The following ADGRL4 variants were observed in gnomAD, a reference collection of about 807,000 sequenced individuals.
ADGRL4 encodes the protein adhesion G protein-coupled receptor L4.
In ADGRL4, 90 loss-of-function variants were observed where a neutral mutation model predicts 74.8. The ratio of observed to expected loss-of-function variants is 1.20; its 90% CI spans 1.02 to 1.43. The LOEUF is 1.43. ADGRL4 is among the 40% of genes most tolerant of loss of function. The pLI is 0.00. For missense variants in ADGRL4, 881 were observed against 814.3 expected, an observed-to-expected ratio of 1.08 and a Z score of -1.00; for synonymous variants, 311 against 279.2, an observed-to-expected ratio of 1.11 and a Z score of -1.14.
intron 2 of ADGRL4, among the ~76,000 whole-genome samples, chr1:78,955,815 A>G (rs2100703369): frequency 6.6e-6 from 1 of 152,188 alleles, no homozygotes; most frequent in East Asian, 1.9e-4. Flanking sequence ...TTTACTTATG[A>G]ATGAGACCTT....
At chr1:78,974,652 A>C (rs1415328819) in intron 2 of ADGRL4, among the ~76,000 whole-genome samples, 3 of 152,154 alleles carry the variant, frequency 2.0e-5, no homozygotes, top group African/African-American at 4.8e-5. Flanking sequence ...ACCTCTTTTC[A>C]GGAAATTCTA....
intron 12 of ADGRL4, among the ~76,000 whole-genome samples, chr1:78,902,380 CCTTA>C (rs1393613875): frequency 2.0e-5 from 3 of 152,136 alleles, no homozygotes; most frequent in African/African-American, 7.2e-5. Context: ...GCATTCTTTG[CCTTA>C]CTATTATCAC....
At chr1:78,952,009 T>C (rs955839715) in intron 2 of ADGRL4, among the ~76,000 whole-genome samples, 1 of 152,200 alleles carries the variant, frequency 6.6e-6, no homozygotes, top group African/African-American at 2.4e-5. Flanking sequence ...AAGACACTGG[T>C]ATTCAAGAAT....
rs532497619 is a variant in ADGRL4 at position 79,005,035 on chromosome 1, A to T, written c.172+35T>A. 8.2e-6 allele frequency: 13 copies of T among 1,583,426 alleles called. No homozygotes were observed. In the South Asian group the frequency reaches 1.5e-4, roughly 18 times the overall value. ...CAGTCCCATCAGAATTTAATCTTAC[A>T]GTATAATCCAAAAGAAGTAACAAAG... is the stretch of plus-strand genomic sequence containing the variant. On this transcript the variant is annotated intron_variant, in intron 2 of 14. Transcript: ENST00000370742.
At position 78,980,408 on chromosome 1, in the gene ADGRL4, A is replaced by T. The variant is rs186961650; in HGVS notation, c.172+24662T>A. ...TATAAATATTTAGTAAAAACAAAAT[A>T]AAAAAAACTGTCTCTTACAATATAT... On this transcript the variant is annotated intron_variant, in intron 2 of 14. Coordinates refer to ENST00000370742, the MANE Select transcript of ADGRL4 (RefSeq NM_022159.4). Among the ~76,000 whole-genome samples the T allele has an allele frequency of 3.2e-3, 483 of 151,614 alleles. 3 individuals are homozygous for T. The highest frequency in any genetic ancestry group is 0.011 in the African/African-American group (467 of 41,168).
chr1:78,969,738 T>G (rs1300818233), intron 2 of ADGRL4, among the ~76,000 whole-genome samples: 3 of 151,026 alleles, frequency 2.0e-5, no homozygotes, highest in African/African-American at 7.3e-5. Context: ...AAATGAGGAC[T>G]GGAGAGAGAG....
In ADGRL4 at chr1:78,917,785, A is replaced by T. The variant is rs1648909125; in HGVS notation, c.1682+45T>A. On this transcript the variant is annotated intron_variant, in intron 11 of 14. Transcript: ENST00000370742. ...AAATTATCAAAGAAATGCAAAGCAC[A>T]TTCAAAATCGTATTTCAAATGCTCA... The T allele has an allele frequency of 2.5e-6, 4 of 1,593,272 alleles. No homozygotes were observed. In the African/African-American group the frequency reaches 4.0e-5, roughly 16 times the overall value.
intron 14 of ADGRL4, 70 bp from the exon 15 acceptor site, chr1:78,891,286 A>C: frequency 6.8e-7 from 1 of 1,470,344 alleles, no homozygotes; most frequent in South Asian, 1.3e-5. Context: ...TTTTCAAATC[A>C]CAATAAATTG....
chr1:78,900,074 A>G (rs1648486356), intron 12 of ADGRL4, among the ~76,000 whole-genome samples: 1 of 152,154 alleles, frequency 6.6e-6, no homozygotes, highest in South Asian at 2.1e-4. Flanking sequence ...AAGTGGAGGT[A>G]GAGAAATTTA....
chr1:78,939,657 T>C (rs1158172882), intron 3 of ADGRL4: 1 of 153,096 alleles, frequency 6.5e-6, no homozygotes. Context: ...ACATTGGCAG[T>C]AAGCGCCATC....
intron 3 of ADGRL4, among the ~76,000 whole-genome samples, chr1:78,942,293 T>G (rs771477357): frequency 1.3e-5 from 2 of 151,392 alleles, no homozygotes; most frequent in African/African-American, 4.8e-5. Flanking sequence ...TGCCACCTGA[T>G]ACTGTAACTG....
At chr1:78,958,343 T>C (rs967178532) in intron 2 of ADGRL4, among the ~76,000 whole-genome samples, 4 of 152,126 alleles carry the variant, frequency 2.6e-5, no homozygotes, top group African/African-American at 4.8e-5. Context: ...CTCTGATGGA[T>C]CTGGACAAGT....
chr1:78,998,183 G>A (rs1420825552), intron 2 of ADGRL4, among the ~76,000 whole-genome samples: 1 of 151,718 alleles, frequency 6.6e-6, no homozygotes. Context: ...CCCTTTTGTG[G>A]CATTTGACGC....
chr1:78,942,874 G>A (rs1331709691), intron 3 of ADGRL4, among the ~76,000 whole-genome samples: 1 of 151,838 alleles, frequency 6.6e-6, no homozygotes, highest in Non-Finnish European at 1.5e-5. Flanking sequence ...AGGCTGCAGT[G>A]AGCCATAACT....
At chr1:78,977,120 C>T (rs897915911) in intron 2 of ADGRL4, among the ~76,000 whole-genome samples, 7 of 151,442 alleles carry the variant, frequency 4.6e-5, no homozygotes. Context: ...TATGCTTACA[C>T]CCTTGAGATA....
chr1:78,976,075 T>C (rs1358224248), intron 2 of ADGRL4, among the ~76,000 whole-genome samples: 6 of 152,016 alleles, frequency 3.9e-5, no homozygotes, highest in Admixed American at 3.3e-4. Flanking sequence ...ATGACTTAGA[T>C]AGAGACTGAT....
intron 2 of ADGRL4, among the ~76,000 whole-genome samples, chr1:78,999,828 CTATCTATCTAT>C (rs1557526150): frequency 4.5e-4 from 68 of 150,512 alleles, no homozygotes; most frequent in East Asian, 1.2e-3. Flanking sequence ...ATCTATCTAT[CTATCTATCTAT>C]CTACCTACCT....
chr1:78,995,814 G>A (rs1173861998), intron 2 of ADGRL4, among the ~76,000 whole-genome samples: 2 of 152,158 alleles, frequency 1.3e-5, no homozygotes, highest in African/African-American at 2.4e-5. Context: ...TGTGACTTAC[G>A]ATGGGAATCT....
At chr1:78,985,221 C>G (rs1268100249) in intron 2 of ADGRL4, among the ~76,000 whole-genome samples, 1 of 151,482 alleles carries the variant, frequency 6.6e-6, no homozygotes, top group East Asian at 1.9e-4. Context: ...TCTATCTAAC[C>G]TTTCTCTCAT....
Sources: gnomAD v4.1 joint callset for allele counts (sites outside exome capture counted in the v4.1 genomes callset) on GRCh38, gnomAD v4.1.1 for gene constraint, MANE v1.5 for transcripts, NCBI Gene and HGNC (gene_info 2026-07-23, HGNC 2026-07-21) for gene names.